The following ERICH6 variants were observed in gnomAD, a reference collection of about 807,000 sequenced individuals.
The protein encoded by ERICH6 is glutamate-rich protein 6.
Under a neutral mutation model 71.0 loss-of-function variants are expected in ERICH6, and 71 were observed. The observed-to-expected ratio is 1.00, with a 90% CI of 0.83 to 1.22. The LOEUF (loss-of-function observed/expected upper bound fraction) is 1.22. Among genes scored for constraint, ERICH6 ranks in the 50% most tolerant of loss-of-function variants. ERICH6 has a pLI of 0.00. For missense variants in ERICH6, 808 were observed against 797.2 expected, an observed-to-expected ratio of 1.01 and a Z score of -0.16; for synonymous variants, 262 against 278.4, an observed-to-expected ratio of 0.94 and a Z score of 0.59.
rs138154739 is a variant in ERICH6 at position 150,674,284 on chromosome 3, A to AT, written c.1258-244dup. On this transcript the variant is annotated intron_variant, in intron 10 of 13. Transcript: ENST00000295910. ...AATCTGACATTACATATCTATTTTA[A>AT]TTTTTTTTTTTTTTTACTTTATACA... 2.3e-3 allele frequency among the ~76,000 whole-genome samples: 333 copies of AT among 144,778 alleles called. 1 individual carries two copies. The highest frequency in any genetic ancestry group is 0.011 in the Middle Eastern group (3 of 284). The allele number at this position is 144,778 out of a possible 152,430, so 95.0% of individuals were successfully genotyped here.
chr3:150,663,139 T>C (rs1727284066), intron 13 of ERICH6, among the ~76,000 whole-genome samples: 1 of 152,148 alleles, frequency 6.6e-6, no homozygotes, highest in Non-Finnish European at 1.5e-5. Context: ...CTAAGTATTG[T>C]GTTAGAATAG....
intron 1 of ERICH6, among the ~76,000 whole-genome samples, chr3:150,703,274 G>T (rs917064668): frequency 6.6e-6 from 1 of 152,008 alleles, no homozygotes; most frequent in Non-Finnish European, 1.5e-5. Context: ...AACTTTTATG[G>T]TGTTTCGCCT....
chr3:150,700,224 G>A (rs1012212945), intron 2 of ERICH6, among the ~76,000 whole-genome samples: 19 of 145,344 alleles, frequency 1.3e-4, no homozygotes, highest in Non-Finnish European at 2.1e-4. Flanking sequence ...ATAGGCGTCC[G>A]CCACCATGCC....
intron 2 of ERICH6, among the ~76,000 whole-genome samples, chr3:150,700,094 A>C (rs181194078): frequency 3.0e-3 from 448 of 150,428 alleles, no homozygotes; most frequent in South Asian, 0.013. Flanking sequence ...TTTTTTTTTG[A>C]GATGGAGTCC....
At chr3:150,673,024 T>TA (rs936363895) in intron 11 of ERICH6, among the ~76,000 whole-genome samples, 4 of 151,946 alleles carry the variant, frequency 2.6e-5, no homozygotes, top group East Asian at 1.9e-4. Context: ...GACCCTGTCT[T>TA]AAAAAAACAA....
At chr3:150,686,139 G>T (rs970148345) in intron 4 of ERICH6, 118 bp from the exon 5 acceptor site, 7 of 1,188,226 alleles carry the variant, frequency 5.9e-6, no homozygotes, top group Non-Finnish European at 8.7e-6. Flanking sequence ...CGCACACACT[G>T]TTCAGATGCC....
rs764785845 is a variant in ERICH6 at position 150,674,082 on chromosome 3, A to C, written c.1258-41T>G. ...AAGAAAAGACACTTAATTGTTTCGG[A>C]CATAAAGTAGTAAGTACGACAACAA... On this transcript the variant is annotated intron_variant, in intron 10 of 13. Coordinates refer to ENST00000295910, the MANE Select transcript of ERICH6 (RefSeq NM_152394.5). The C allele has an allele frequency of 4.5e-6, 7 of 1,551,188 alleles. No homozygotes were observed. The South Asian group carries it at 5.6e-5, about 13-fold the overall frequency.
intron 13 of ERICH6, among the ~76,000 whole-genome samples, chr3:150,663,812 T>G (rs1017566486): frequency 9.2e-5 from 14 of 151,518 alleles, no homozygotes; most frequent in Non-Finnish European, 2.1e-4. Flanking sequence ...GAAATCCAGA[T>G]GGGTATGTTG....
At chr3:150,663,123 A>G (rs1380935178) in intron 13 of ERICH6, among the ~76,000 whole-genome samples, 1 of 152,196 alleles carries the variant, frequency 6.6e-6, no homozygotes, top group Non-Finnish European at 1.5e-5. Flanking sequence ...TTTTCAAAGT[A>G]TCATTCTAAG....
At chr3:150,688,740 A>C (rs73004846) in intron 3 of ERICH6, among the ~76,000 whole-genome samples, 3 of 152,334 alleles carry the variant, frequency 2.0e-5, no homozygotes, top group African/African-American at 7.2e-5. Flanking sequence ...ACGACCTGGG[A>C]GCCCCCTCCC....
intron 10 of ERICH6, among the ~76,000 whole-genome samples, chr3:150,677,158 G>A (rs1347920897): frequency 1.3e-5 from 2 of 151,992 alleles, no homozygotes; most frequent in Admixed American, 1.3e-4. Flanking sequence ...GCTCAGGCTG[G>A]TTTCAAACTC....
At chr3:150,681,050 C>T (rs961638656) in intron 7 of ERICH6, 120 bp from the exon 8 acceptor site, 35 of 1,023,412 alleles carry the variant, frequency 3.4e-5, no homozygotes, top group Admixed American at 2.1e-4. Context: ...CTGGTAATAG[C>T]TTTATTAAGA....
chr3:150,667,239 G>T (rs775777684), intron 12 of ERICH6, among the ~76,000 whole-genome samples: 42 of 152,266 alleles, frequency 2.8e-4, no homozygotes, highest in African/African-American at 9.9e-4. Flanking sequence ...ACTAAAATGG[G>T]TCCAAAGGAT....
chr3:150,668,671 G>A (rs1274610871), intron 12 of ERICH6, among the ~76,000 whole-genome samples: 1 of 152,066 alleles, frequency 6.6e-6, no homozygotes, highest in Admixed American at 6.6e-5. Context: ...ATAACTTAAA[G>A]GAAAAGACCT....
intron 13 of ERICH6, among the ~76,000 whole-genome samples, chr3:150,664,221 T>C (rs561294683): frequency 2.6e-5 from 4 of 152,200 alleles, no homozygotes; most frequent in Non-Finnish European, 4.4e-5. Context: ...TTAATATTTA[T>C]ATTGAATTCA....
Position 150,703,741 on chromosome 3 carries a change from T to C in ERICH6, c.158A>G (p.Glu53Gly). The C allele has an allele frequency of 6.3e-7, 1 of 1,586,386 alleles. No homozygotes were observed. Among genetic ancestry groups the C allele is most frequent in the South Asian group, 1.2e-5 (1 of 86,278 alleles). The change falls in exon 1 of 14, where the codon GAG becomes GGG. Residue 53 changes from glutamate to glycine, a missense_variant. By Grantham distance (98) the Glu-to-Gly change is moderately conservative (BLOSUM62 -2). Coordinates refer to ENST00000295910, the MANE Select transcript of ERICH6 (RefSeq NM_152394.5). ...EEEEEVEEEE[E>G]EVVEEELVGE... The stretch of plus-strand genomic sequence containing the variant: ...CACCAACTCCTCCTCCACCACCTCC[T>C]CCTCCTCCTCCTCCACCTCTTCCTC...
intron 3 of ERICH6, among the ~76,000 whole-genome samples, chr3:150,692,381 C>T (rs1712487651): frequency 6.6e-6 from 1 of 152,014 alleles, no homozygotes; most frequent in Non-Finnish European, 1.5e-5. Context: ...TTTACAATAA[C>T]CTGTGATCCT....
intron 3 of ERICH6, among the ~76,000 whole-genome samples, chr3:150,693,865 T>G (rs544885983): frequency 6.1e-4 from 93 of 152,302 alleles, no homozygotes; most frequent in African/African-American, 2.0e-3. Flanking sequence ...AATAATGTTT[T>G]CAATTTTTTT....
chr3:150,700,299 G>A (rs1712824482), intron 2 of ERICH6, among the ~76,000 whole-genome samples: 1 of 133,008 alleles, frequency 7.5e-6, no homozygotes, highest in African/African-American at 2.9e-5. Flanking sequence ...TTCACCATGT[G>A]AAATGGTTTT....
Sources: allele counts gnomAD v4.1 joint callset (sites outside exome capture counted in the v4.1 genomes callset), GRCh38; gene constraint gnomAD v4.1.1; transcripts MANE v1.5; gene names NCBI Gene and HGNC (gene_info 2026-07-23, HGNC 2026-07-21).